Variants in PDE4B observed in about 807,000 individuals in gnomAD.
PDE4B encodes phosphodiesterase 4B, also known as 3',5'-cyclic-AMP phosphodiesterase 4B.
A neutral mutation model predicts 82.2 loss-of-function variants in PDE4B; 20 were observed. The observed-to-expected ratio is 0.24, with a 90% CI of 0.17 to 0.35. The LOEUF is 0.35. PDE4B is among the 10% of genes least tolerant of loss of function. The probability of loss-of-function intolerance (pLI) is 1.00; values close to 1 mark genes in which losing one functional copy is unlikely to be tolerated. For synonymous variants in PDE4B, 320 were observed against 318.9 expected, an observed-to-expected ratio of 1.00 and a Z score of -0.04; for missense variants, 655 against 907.2, an observed-to-expected ratio of 0.72 and a Z score of 3.57.
chr1:65,940,979 T>G (rs775087587), intron 3 of PDE4B, among the ~76,000 whole-genome samples: 10 of 150,796 alleles, frequency 6.6e-5, no homozygotes, highest in Admixed American at 1.3e-4. Flanking sequence ...CCATATAGAT[T>G]TAACAAATGT....
chr1:66,317,985 T>A (rs2101884105), intron 7 of PDE4B, among the ~76,000 whole-genome samples: 1 of 152,324 alleles, frequency 6.6e-6, no homozygotes, highest in Non-Finnish European at 1.5e-5. Flanking sequence ...GTTGAAGGAC[T>A]CATTGTGGTT....
rs552172100 is a variant in PDE4B, at chr1:66,150,272, GA to G, written c.282-97179del. On this transcript the variant is annotated intron_variant, in intron 3 of 16. Coordinates refer to ENST00000341517, the MANE Select transcript of PDE4B (RefSeq NM_002600.4). ...GGAATCAGCTTTTCAATTTCTGAAA[GA>G]AAAAAAAAGGGCCAATGGAATTGTG... 8.9e-3 allele frequency among the ~76,000 whole-genome samples: 1,337 copies of G among 150,538 alleles called. 29 individuals are homozygous for G. Among genetic ancestry groups the G allele is most frequent in the African/African-American group, 0.03 (1,240 of 41,044 alleles).
intron 7 of PDE4B, among the ~76,000 whole-genome samples, chr1:66,282,844 T>C (rs1020246654): frequency 5.3e-5 from 8 of 152,168 alleles, no homozygotes; most frequent in Admixed American, 5.2e-4. Context: ...GATAATTCTT[T>C]GTCACGGAGG....
At chr1:65,994,685 A>G (rs1280097484) in intron 3 of PDE4B, among the ~76,000 whole-genome samples, 1 of 152,116 alleles carries the variant, frequency 6.6e-6, no homozygotes, top group African/African-American at 2.4e-5. Flanking sequence ...CAATTAATAG[A>G]TGCACATTTT....
chr1:66,296,374 T>C (rs1257736382), intron 7 of PDE4B, among the ~76,000 whole-genome samples: 5 of 152,160 alleles, frequency 3.3e-5, no homozygotes, highest in Non-Finnish European at 5.9e-5. Context: ...AAGCATACTT[T>C]TATGGAGAAT....
intron 6 of PDE4B, among the ~76,000 whole-genome samples, chr1:66,259,421 G>C (rs12136334): frequency 0.36 from 54,766 of 151,998 alleles, 12,720 homozygotes; most frequent in Non-Finnish European, 0.51. Flanking sequence ...GTTGTTCTCT[G>C]CATACTCTCT....
chr1:66,204,510 C>T (rs1196804551), intron 3 of PDE4B, among the ~76,000 whole-genome samples: 1 of 152,268 alleles, frequency 6.6e-6, no homozygotes, highest in Non-Finnish European at 1.5e-5. Flanking sequence ...TTTGAGCTTC[C>T]TGGCTGCTTT....
At chr1:65,916,484 T>C (rs906122348) in intron 2 of PDE4B, among the ~76,000 whole-genome samples, 15 of 152,144 alleles carry the variant, frequency 9.9e-5, no homozygotes, top group Non-Finnish European at 2.2e-4. Flanking sequence ...ATGATAGATA[T>C]CCTTATTTCT....
At chr1:66,111,985 A>C (rs1421091963) in intron 3 of PDE4B, among the ~76,000 whole-genome samples, 2 of 152,124 alleles carry the variant, frequency 1.3e-5, no homozygotes, top group Non-Finnish European at 2.9e-5. Context: ...ATGAATCTGG[A>C]GCTCTGACAT....
chr1:66,297,945 A>C (rs1657626000), intron 7 of PDE4B, among the ~76,000 whole-genome samples: 2 of 152,164 alleles, frequency 1.3e-5, no homozygotes, highest in South Asian at 4.1e-4. Context: ...GTTGGTGAAC[A>C]AGGTTGTCCT....
At chr1:66,153,949 T>C (rs1339448687) in intron 3 of PDE4B, among the ~76,000 whole-genome samples, 1 of 152,234 alleles carries the variant, frequency 6.6e-6, no homozygotes, top group Non-Finnish European at 1.5e-5. Flanking sequence ...TCATTTGTGA[T>C]TCATTCATCT....
intron 3 of PDE4B, among the ~76,000 whole-genome samples, chr1:66,116,002 A>G (rs540611205): frequency 1.3e-5 from 2 of 152,232 alleles, no homozygotes; most frequent in South Asian, 2.1e-4. Flanking sequence ...TCTTGATTGT[A>G]TTAGTGAAAT....
chr1:65,893,052 G>A (rs1353179044), intron 1 of PDE4B, among the ~76,000 whole-genome samples: 2 of 152,046 alleles, frequency 1.3e-5, no homozygotes, highest in African/African-American at 4.8e-5. Context: ...GAAATGAATT[G>A]ATGGGTGGTG....
chr1:65,901,634 T>C lies in PDE4B; in HGVS notation c.-70-11611T>C, dbSNP rs1005471875. 3.9e-5 allele frequency among the ~76,000 whole-genome samples: 6 copies of C among 152,226 alleles called. 2 individuals carry two copies. Among genetic ancestry groups the C allele is most frequent in the Admixed American group, 3.9e-4 (6 of 15,254 alleles). On this transcript the variant is annotated intron_variant, in intron 1 of 16. Coordinates refer to ENST00000341517, the MANE Select transcript of PDE4B (RefSeq NM_002600.4). ...TTTATTTCTGATTCAATTTTGAATT[T>C]GATATTGGTCTGTTTGAAGTTTCAA...
chr1:65,815,358 C>T (rs747722748), intron 1 of PDE4B, among the ~76,000 whole-genome samples: 7 of 151,986 alleles, frequency 4.6e-5, no homozygotes, highest in East Asian at 1.9e-4. Context: ...TTTCAAGTCA[C>T]GAGACAACAC....
rs552467127 is a variant in PDE4B at position 66,249,809 on chromosome 1, G to A, written c.476+2155G>A. On this transcript the variant is annotated intron_variant, in intron 4 of 16. Coordinates refer to ENST00000341517, the MANE Select transcript of PDE4B (RefSeq NM_002600.4). The stretch of plus-strand genomic sequence containing the variant: ...AGGACTTAGATAAAAAGTAGTATGG[G>A]CACAATTTCATAATAAAAAGCAGCC... 5.9e-5 allele frequency among the ~76,000 whole-genome samples: 9 copies of A among 152,014 alleles called. No homozygotes were observed. The South Asian group carries it at 1.7e-3, about 28-fold the overall frequency.
chr1:65,886,615 A>G (rs564248994), intron 1 of PDE4B, among the ~76,000 whole-genome samples: 2 of 152,262 alleles, frequency 1.3e-5, no homozygotes, highest in African/African-American at 2.4e-5. Flanking sequence ...TGGTTCTTAC[A>G]TGAGTGAGAA....
intron 3 of PDE4B, among the ~76,000 whole-genome samples, chr1:66,106,355 G>T (rs1015966780): frequency 2.6e-5 from 4 of 151,940 alleles, no homozygotes; most frequent in South Asian, 2.1e-4. Flanking sequence ...TTTTATTGAG[G>T]ATTTTTGCAT....
intron 7 of PDE4B, among the ~76,000 whole-genome samples, chr1:66,294,238 A>G (rs371746774): frequency 6.6e-6 from 1 of 152,128 alleles, no homozygotes; most frequent in Admixed American, 6.6e-5. Flanking sequence ...CTGTGATTTT[A>G]TTTGGGCTTC....
Sources: allele counts gnomAD v4.1 joint callset (sites outside exome capture counted in the v4.1 genomes callset), GRCh38; gene constraint gnomAD v4.1.1; transcripts MANE v1.5; gene names NCBI Gene and HGNC (gene_info 2026-07-23, HGNC 2026-07-21).